Variants in ATP2B4 observed in about 807,000 individuals in gnomAD.
ATP2B4 encodes the protein ATPase plasma membrane Ca2+ transporting 4.
Under a neutral mutation model 110.3 loss-of-function variants are expected in ATP2B4, and 39 were observed. That is an observed-to-expected ratio of 0.35 (90% CI 0.27 to 0.46). The LOEUF is 0.46. ATP2B4 is among the 20% of genes least tolerant of loss of function. The probability of loss-of-function intolerance (pLI) is 1.00; values close to 1 mark genes in which losing one functional copy is unlikely to be tolerated. For synonymous variants in ATP2B4, 538 were observed against 571.7 expected (o/e 0.94, Z 0.84); for missense variants, 1,135 against 1,530.9 (o/e 0.74, Z 4.32).
intron 1 of ATP2B4, among the ~76,000 whole-genome samples, chr1:203,651,144 G>T (rs1663980517): frequency 6.6e-6 from 1 of 152,080 alleles, no homozygotes; most frequent in Admixed American, 6.5e-5. Flanking sequence ...TAAGAGTCTT[G>T]ATATTTTTAG....
At chr1:203,695,019 C>T (rs1665491357) in intron 2 of ATP2B4, among the ~76,000 whole-genome samples, 1 of 152,116 alleles carries the variant, frequency 6.6e-6, no homozygotes, top group Non-Finnish European at 1.5e-5. Context: ...TTCTCTGCCC[C>T]TCATATGTCC....
intron 1 of ATP2B4, among the ~76,000 whole-genome samples, chr1:203,651,031 T>A (rs991062815): frequency 1.3e-5 from 2 of 152,162 alleles, no homozygotes; most frequent in African/African-American, 4.8e-5. Context: ...TGCCTCGGCC[T>A]CCCAAAGTGC....
chr1:203,709,328 C>T lies in ATP2B4; in HGVS notation c.1585C>T (p.Arg529Trp), dbSNP rs775495591. ...TCCAGAGAAGGAGGGAGGCCTGCCTCGGCAGGTGGGCAACAAGACCGAGTG... is the reference window on the plus strand; with the variant it reads ...TCCAGAGAAGGAGGGAGGCCTGCCTTGGCAGGTGGGCAACAAGACCGAGTG... ...LPPEKEGGLP[R>W]QVGNKTECAL... Residue 529 changes from arginine (R) to tryptophan (W), a missense_variant, in exon 11 of 21, where the codon CGG (arginine) becomes TGG (tryptophan). By Grantham distance (101) the Arg-to-Trp change is moderately radical (BLOSUM62 -3). This residue lies in a region of ATP2B4 where 368 missense variants were observed against 455.9 expected (regional missense o/e 0.81). Coordinates refer to ENST00000357681, the MANE Select transcript of ATP2B4 (RefSeq NM_001684.5). 17 of 1,614,186 alleles carry T rather than the reference C, an allele frequency of 1.1e-5. No individual in the cohort carries two copies. Among genetic ancestry groups the T allele is most frequent in the African/African-American group, 1.3e-5 (1 of 75,054 alleles).
rs1663180714 is a variant in ATP2B4 at position 203,629,112 on chromosome 1, C to G, written c.-465+1893C>G. Among the ~76,000 whole-genome samples the G allele has an allele frequency of 6.6e-6, 1 of 152,156 alleles. No homozygotes were observed. On this transcript the variant is annotated intron_variant, in intron 1 of 20. Transcript: ENST00000357681. The surrounding 1 kb of genome is among the most constrained non-coding windows in gnomAD (Gnocchi z 4.6). The stretch of plus-strand genomic sequence containing the variant: ...AGAGCTCATCTCGGGGCTGGGGATG[C>G]AACAGGAACGATTTGATTTTCACTT...
At chr1:203,654,809 C>T (rs1664106676) in intron 1 of ATP2B4, among the ~76,000 whole-genome samples, 1 of 151,426 alleles carries the variant, frequency 6.6e-6, no homozygotes, top group African/African-American at 2.4e-5. Context: ...ATCGTTTGGG[C>T]CTGAGAGGTC....
intron 1 of ATP2B4, among the ~76,000 whole-genome samples, chr1:203,652,155 T>C (rs1309564249): frequency 6.6e-6 from 1 of 150,586 alleles, no homozygotes; most frequent in Non-Finnish European, 1.5e-5. Flanking sequence ...TTTTTTTTTT[T>C]TTTTTCTGAC....
rs1663264435 is a variant in ATP2B4, at chr1:203,631,483, T to C, written c.-465+4264T>C. 2.0e-5 allele frequency among the ~76,000 whole-genome samples: 3 copies of C among 152,174 alleles called. No individual in the cohort carries two copies. The South Asian group carries it at 6.2e-4, about 31-fold the overall frequency. ...GTTTATTGGTAGGAAGGTCAGGGAC[T>C]CTCAGCTAGGTTCAAGGAAAGTCTT... is the stretch of plus-strand genomic sequence containing the variant. On this transcript the variant is annotated intron_variant, in intron 1 of 20. Coordinates refer to ENST00000357681, the MANE Select transcript of ATP2B4 (RefSeq NM_001684.5).
intron 1 of ATP2B4, among the ~76,000 whole-genome samples, chr1:203,636,286 C>CACCAAA (rs1249330053): frequency 6.6e-6 from 1 of 152,230 alleles, no homozygotes; most frequent in South Asian, 2.1e-4. Flanking sequence ...AAGGGCAGCA[C>CACCAAA]ACCTGGCTGT....
intron 17 of ATP2B4, among the ~76,000 whole-genome samples, chr1:203,721,909 C>T (rs1666348941): frequency 6.6e-6 from 1 of 151,998 alleles, no homozygotes; most frequent in Non-Finnish European, 1.5e-5. Context: ...GATCTGCCCA[C>T]CTCAGCCCCC....
intron 15 of ATP2B4, among the ~76,000 whole-genome samples, chr1:203,719,788 G>C (rs1184794420): frequency 1.3e-5 from 2 of 151,050 alleles, no homozygotes; most frequent in African/African-American, 4.9e-5. Flanking sequence ...CCTTAGATAA[G>C]TGATACCATA....
intron 7 of ATP2B4, 126 bp from the exon 8 acceptor site, chr1:203,703,526 G>A: frequency 1.8e-6 from 2 of 1,110,044 alleles, no homozygotes; most frequent in Non-Finnish European, 1.3e-6. Context: ...GAAGTGGTCG[G>A]AACTGATGTC....
chr1:203,700,337 G>T lies in ATP2B4; in HGVS notation c.775+6G>T, dbSNP rs1571737738. 8 of 1,607,808 alleles carry T rather than the reference G, an allele frequency of 5.0e-6. No homozygotes were observed. The East Asian group carries it at 1.8e-4, about 36-fold the overall frequency. The stretch of plus-strand genomic sequence containing the variant: ...AGACCCCATGTTGCTCTCAGGTATA[G>T]GCCCTGGCTGCCCAAGTTCCCATTT... On this transcript the variant is annotated splice_donor_region_variant and intron_variant, in intron 5 of 20. Transcript: ENST00000357681.
At chr1:203,664,779 G>A (rs1401846855) in intron 1 of ATP2B4, among the ~76,000 whole-genome samples, 3 of 152,178 alleles carry the variant, frequency 2.0e-5, no homozygotes, top group African/African-American at 7.2e-5. Flanking sequence ...TGACCCAAGG[G>A]AATGCCAGGT....
intron 1 of ATP2B4, among the ~76,000 whole-genome samples, chr1:203,652,607 C>T (rs1453321937): frequency 6.6e-6 from 1 of 152,134 alleles, no homozygotes; most frequent in Non-Finnish European, 1.5e-5. Flanking sequence ...ATTTTTCTAT[C>T]AGCATGTGCT....
intron 1 of ATP2B4, among the ~76,000 whole-genome samples, chr1:203,681,549 C>T (rs191864906): frequency 6.6e-6 from 1 of 152,244 alleles, no homozygotes; most frequent in Admixed American, 6.5e-5. Context: ...ATTTAAAAGG[C>T]TGATGTGTGG....
chr1:203,639,069 C>T (rs1006932353), intron 1 of ATP2B4, among the ~76,000 whole-genome samples: 5 of 152,088 alleles, frequency 3.3e-5, no homozygotes, highest in South Asian at 4.1e-4. Context: ...CTTGGCCCTA[C>T]GCTTTCCTCA....
At chr1:203,713,089 G>A (rs1666059300) in intron 13 of ATP2B4, 76 bp from the exon 14 acceptor site, 7 of 1,482,112 alleles carry the variant, frequency 4.7e-6, no homozygotes, top group Non-Finnish European at 2.8e-6. Context: ...GTGACTCCAA[G>A]TGTATGGAGA....
chr1:203,722,256 G>C (rs1011932941), intron 17 of ATP2B4, among the ~76,000 whole-genome samples: 2 of 152,144 alleles, frequency 1.3e-5, no homozygotes, highest in Non-Finnish European at 2.9e-5. Context: ...GATCACTTGA[G>C]CAGGAAGGTC....
rs1667005913 is a variant in ATP2B4 at position 203,741,993 on chromosome 1, G to C, written c.*2139G>C. On this transcript the variant is annotated 3_prime_UTR_variant, in exon 21 of 21. Coordinates refer to ENST00000357681, the MANE Select transcript of ATP2B4 (RefSeq NM_001684.5). The stretch of plus-strand genomic sequence containing the variant: ...TTCACAAAAGGTTCTCATGGTGCCT[G>C]ACAGGTTACCCTTGAGGGCTTGTGT... 1 of 152,636 alleles carries C rather than the reference G, an allele frequency of 6.6e-6. No homozygotes were observed. Among genetic ancestry groups the C allele is most frequent in the Non-Finnish European group, 1.5e-5 (1 of 68,044 alleles). 9.5% of individuals were successfully genotyped at this position (152,636 alleles called of 1,614,324 possible). A position where few individuals can be genotyped will look rare whatever the true frequency, so the allele number is the denominator to read the frequency against.
Sources: allele counts gnomAD v4.1 joint callset (sites outside exome capture counted in the v4.1 genomes callset), GRCh38; gene constraint gnomAD v4.1.1; regional missense constraint gnomAD v4.1.1; non-coding constraint Gnocchi (gnomAD v3.1); transcripts MANE v1.5; gene names NCBI Gene and HGNC (gene_info 2026-07-23, HGNC 2026-07-21).